RBM23: variants seen among roughly 807,000 people sequenced by gnomAD.
RBM23 encodes the protein probable RNA-binding protein 23.
A neutral mutation model predicts 56.2 loss-of-function variants in RBM23; 53 were observed. The observed-to-expected ratio is 0.94, with a 90% CI of 0.76 to 1.19. The LOEUF is 1.19. Among genes scored for constraint, RBM23 ranks in the 50% most tolerant of loss-of-function variants. The probability of loss-of-function intolerance (pLI) is 0.00; values close to 1 mark genes in which losing one functional copy is unlikely to be tolerated. For missense variants in RBM23, 642 were observed against 590.3 expected, an observed-to-expected ratio of 1.09 and a Z score of -0.91; for synonymous variants, 197 against 198.5, an observed-to-expected ratio of 0.99 and a Z score of 0.06.
chr14:22,908,898 C>G (rs1465443046), intron 3 of RBM23, among the ~76,000 whole-genome samples: 1 of 152,050 alleles, frequency 6.6e-6, no homozygotes, highest in Non-Finnish European at 1.5e-5. Context: ...ATTTTTCCCC[C>G]TAATGCGAAG....
Position 22,901,294 on chromosome 14 carries a change from C to T in RBM23, c.*436G>A, listed in dbSNP as rs534020379. On this transcript the variant is annotated 3_prime_UTR_variant, in exon 14 of 14. Coordinates refer to ENST00000359890, the MANE Select transcript of RBM23 (RefSeq NM_001077351.2). ...CACCTTCAAGGTTCACCCACAAACT[C>T]AGTCCTCTTGATTCAGAGGTCCTAA... 63 of 181,728 alleles carry T rather than the reference C, an allele frequency of 3.5e-4. No individual in the cohort carries two copies. Among genetic ancestry groups the T allele is most frequent in the Middle Eastern group, 5.0e-3 (2 of 398 alleles). 11.3% of individuals were successfully genotyped at this position (181,728 alleles called of 1,614,324 possible).
At chr14:22,912,855 CTGGACGT>C (rs1566589027) in intron 1 of RBM23, among the ~76,000 whole-genome samples, 4 of 151,960 alleles carry the variant, frequency 2.6e-5, no homozygotes, top group African/African-American at 9.7e-5. Context: ...CAAAAATTAG[CTGGACGT>C]GGTGGCACGC....
At chr14:22,913,431 A>T (rs10137343) in intron 1 of RBM23, among the ~76,000 whole-genome samples, 83,025 of 147,196 alleles carry the variant, frequency 0.56, 24,424 homozygotes, top group East Asian at 0.78. Context: ...AAAAAAAAAA[A>T]TTAAAAAAAA....
intron 3 of RBM23, among the ~76,000 whole-genome samples, chr14:22,909,117 A>AT: frequency 6.6e-6 from 1 of 152,030 alleles, no homozygotes; most frequent in Non-Finnish European, 1.5e-5. Flanking sequence ...TAATTTTTGT[A>AT]TTTTTAGTAG....
At chr14:22,902,624 A>G in intron 10 of RBM23, 4 of 1,226,510 alleles carry the variant, frequency 3.3e-6, no homozygotes, top group Non-Finnish European at 4.1e-6. Flanking sequence ...GAATCTAACA[A>G]TGCAAAATTT....
At chr14:22,909,459 C>A in intron 3 of RBM23, 24 bp downstream of exon 3, 1 of 1,595,150 alleles carries the variant, frequency 6.3e-7, no homozygotes, top group Admixed American at 1.7e-5. Context: ...AAGTTGCCAA[C>A]CCATTTCTTC....
chr14:22,914,166 A>AAC (rs1358869395), intron 1 of RBM23: 1 of 152,010 alleles, frequency 6.6e-6, no homozygotes, highest in Non-Finnish European at 1.5e-5. Flanking sequence ...CTCTACTAAA[A>AAC]ACACAAAAAT....
intron 1 of RBM23, among the ~76,000 whole-genome samples, chr14:22,916,460 G>C (rs1360332979): frequency 1.4e-5 from 2 of 146,602 alleles, no homozygotes; most frequent in Admixed American, 1.4e-4. Flanking sequence ...TTTTCTGGTA[G>C]AGACATGGTC....
intron 4 of RBM23, among the ~76,000 whole-genome samples, chr14:22,908,068 A>G (rs1594309058): frequency 6.6e-6 from 1 of 152,052 alleles, no homozygotes; most frequent in East Asian, 1.9e-4. Flanking sequence ...TTGCCCAGGC[A>G]GGAGTTTAGT....
At chr14:22,918,950 G>C in intron 1 of RBM23, 49 bp downstream of exon 1, 1 of 152,290 alleles carries the variant, frequency 6.6e-6, no homozygotes, top group South Asian at 2.1e-4. Flanking sequence ...GTGCAGCAAC[G>C]TCACGCATTG....
chr14:22,906,911 C>T (rs759872519), intron 4 of RBM23, among the ~76,000 whole-genome samples: 4 of 152,172 alleles, frequency 2.6e-5, no homozygotes, highest in East Asian at 3.9e-4. Flanking sequence ...CGGTGGCTCA[C>T]GCCTGTAATC....
At position 22,906,378 on chromosome 14, in the gene RBM23, G is replaced by GA; in HGVS notation, c.228-11dup. Reference sequence around the variant, plus strand: ...CCGATCTCGACTACGACTACAGAGGGAAACAACTACAGTCATGCCCACATC... The same window carrying GA: ...CCGATCTCGACTACGACTACAGAGGGAAAACAACTACAGTCATGCCCACATC... On this transcript the variant is annotated splice_polypyrimidine_tract_variant and intron_variant, in intron 4 of 13. Transcript: ENST00000359890. 1.2e-6 allele frequency: 2 copies of GA among 1,613,694 alleles called. No individual in the cohort carries two copies. Among genetic ancestry groups the GA allele is most frequent in the South Asian group, 2.2e-5 (2 of 91,070 alleles).
At chr14:22,916,844 G>A (rs1014179343) in intron 1 of RBM23, among the ~76,000 whole-genome samples, 17 of 152,162 alleles carry the variant, frequency 1.1e-4, no homozygotes, top group African/African-American at 4.1e-4. Context: ...TATACACTAT[G>A]GGAAAATAGT....
At chr14:22,909,368 T>C in intron 3 of RBM23, 115 bp downstream of exon 3, 1 of 798,934 alleles carries the variant, frequency 1.3e-6, no homozygotes, top group Non-Finnish European at 2.2e-6. Context: ...GTGGAGCCAT[T>C]ACTAACAGTC....
rs1404159096 is a variant in RBM23 at position 22,902,627 on chromosome 14, C to A, written c.931-245G>T. On this transcript the variant is annotated intron_variant, in intron 10 of 13. Coordinates refer to ENST00000359890, the MANE Select transcript of RBM23 (RefSeq NM_001077351.2). ...CAGCTCCATTAAGAATCTAACAATG[C>A]AAAATTTTATTATTGTAGGAAACCT... The A allele has an allele frequency of 2.4e-5, 29 of 1,219,710 alleles. 1 individual carries two copies. The highest frequency in any genetic ancestry group is 2.7e-5 in the Non-Finnish European group (26 of 978,062). The allele number at this position is 1,219,710 out of a possible 1,614,324, so 75.6% of individuals were successfully genotyped here.
intron 10 of RBM23, chr14:22,903,822 G>T (rs1434346092): frequency 8.1e-6 from 9 of 1,109,182 alleles, no homozygotes; most frequent in Non-Finnish European, 1.0e-5. Context: ...GTTAATAACT[G>T]ATCCTTCTCG....
At chr14:22,912,163 G>C (rs1466938441) in intron 1 of RBM23, among the ~76,000 whole-genome samples, 2 of 152,098 alleles carry the variant, frequency 1.3e-5, no homozygotes, top group African/African-American at 4.8e-5. Flanking sequence ...CTACAGATGT[G>C]AGAAAAATAT....
intron 10 of RBM23, chr14:22,903,860 C>T (rs1296780964): frequency 8.8e-7 from 1 of 1,142,428 alleles, no homozygotes; most frequent in East Asian, 6.2e-5. Context: ...AATGGGGTAG[C>T]ACCAGAGGGA....
In RBM23 at chr14:22,904,966, C is replaced by A. The variant is rs751882344; in HGVS notation, c.773G>T (p.Gly258Val). The A allele has an allele frequency of 1.9e-6, 3 of 1,614,184 alleles. No individual in the cohort carries two copies. The South Asian group carries it at 3.3e-5, about 18-fold the overall frequency. Residue 258 changes from glycine (G) to valine (V), a missense_variant, in exon 9 of 14, where the codon GGC (glycine) becomes GTC (valine). Gly to Val is a moderately radical substitution (Grantham distance 109, BLOSUM62 -3). Transcript: ENST00000359890. ...LAAMANNLQK[G>V]NGGPMRLYVG... is the part of the protein sequence containing the mutation. The stretch of plus-strand genomic sequence containing the variant: ...ATAGAGGCGCATTGGTCCACCATTG[C>A]CCTTTTGCAGGTTGTTGGCCATGGC...
Sources: gnomAD v4.1 joint callset for allele counts (sites outside exome capture counted in the v4.1 genomes callset) on GRCh38, gnomAD v4.1.1 for gene constraint, MANE v1.5 for transcripts, NCBI Gene and HGNC (gene_info 2026-07-23, HGNC 2026-07-21) for gene names.